The following CLDND1 variants were observed in gnomAD, a reference collection of about 807,000 sequenced individuals.
CLDND1 encodes the protein claudin domain-containing protein 1.
In CLDND1, 13 loss-of-function variants were observed where a neutral mutation model predicts 26.3. That is an observed-to-expected ratio of 0.49 (90% CI 0.32 to 0.78). The LOEUF (loss-of-function observed/expected upper bound fraction) is 0.78. CLDND1 is among the 30% of genes least tolerant of loss of function. The probability of loss-of-function intolerance (pLI) is 0.03; values close to 1 mark genes in which losing one functional copy is unlikely to be tolerated. For missense variants in CLDND1, 289 were observed against 312.8 expected, an observed-to-expected ratio of 0.92 and a Z score of 0.57; for synonymous variants, 107 against 107.0, an observed-to-expected ratio of 1.00 and a Z score of 0.00.
Position 98,517,194 on chromosome 3 carries a change from T to G in CLDND1, c.404-5A>C. 2 of 1,606,108 alleles carry G rather than the reference T, an allele frequency of 1.2e-6. No individual in the cohort carries two copies. The highest frequency in any genetic ancestry group is 1.7e-6 in the Non-Finnish European group (2 of 1,178,080). On this transcript the variant is annotated splice_region_variant and splice_polypyrimidine_tract_variant and intron_variant, in intron 3 of 4. Transcript: ENST00000341181. Reference sequence around the variant, plus strand: ...GGAACTGGCAACGCCAAAGATCTGATTTTTAAAAAGAGAGAAAAGAAATGT... The same window carrying G: ...GGAACTGGCAACGCCAAAGATCTGAGTTTTAAAAAGAGAGAAAAGAAATGT...
rs1262840388 is a variant in CLDND1, at chr3:98,517,086, G to A, written c.507C>T (p.Pro169=). The A allele has an allele frequency of 6.2e-7, 1 of 1,614,118 alleles. No homozygotes were observed. Among genetic ancestry groups the A allele is most frequent in the Non-Finnish European group, 8.5e-7 (1 of 1,180,008 alleles). The part of the protein sequence containing the change: ...LCACICRSLY[P]TIATGILHLL... ...GATGGAGAATGCCCGTGGCAATGGT[G>A]GGATATAAGCTTCGGCAAATGCAAG... The change falls in exon 4 of 5, where the codon CCC becomes CCT. Residue 169 remains proline, a synonymous_variant. Coordinates refer to ENST00000341181, the MANE Select transcript of CLDND1 (RefSeq NM_001040181.2).
At chr3:98,517,244 C>T in intron 3 of CLDND1, 55 bp from the exon 4 acceptor site, 1 of 1,575,526 alleles carries the variant, frequency 6.3e-7, no homozygotes. Flanking sequence ...ACCATTTTCC[C>T]CGCAATGGCA....
Position 98,516,466 on chromosome 3 carries a change from G to T in CLDND1, c.*193C>A. On this transcript the variant is annotated 3_prime_UTR_variant, in exon 5 of 5. Transcript: ENST00000341181. Reference sequence around the variant, plus strand: ...ATTAGTTTATTTGAAAGATGGCATCGCTTAAAGTAAACCACATAAATTTTA... The same window carrying T: ...ATTAGTTTATTTGAAAGATGGCATCTCTTAAAGTAAACCACATAAATTTTA... 1 of 1,366,208 alleles carries T rather than the reference G, an allele frequency of 7.3e-7. No individual in the cohort carries two copies. The highest frequency in any genetic ancestry group is 9.4e-7 in the Non-Finnish European group (1 of 1,064,238). The allele number at this position is 1,366,208 out of a possible 1,614,324, so 84.6% of individuals were successfully genotyped here.
At chr3:98,518,857 A>G (rs778176834) in intron 3 of CLDND1, 28 bp downstream of exon 3, 14 of 1,270,624 alleles carry the variant, frequency 1.1e-5, no homozygotes, top group Middle Eastern at 1.8e-4. Flanking sequence ...TGTTCCCCCA[A>G]CTGTCCTGGT....
chr3:98,519,084 AG>A, intron 2 of CLDND1, 89 bp from the exon 3 acceptor site: 2 of 798,112 alleles, frequency 2.5e-6, no homozygotes, highest in South Asian at 3.4e-5. Context: ...AAAACAGTAA[AG>A]GATGTTTCCA....
At chr3:98,517,948 T>A (rs1706220917) in intron 3 of CLDND1, among the ~76,000 whole-genome samples, 1 of 152,228 alleles carries the variant, frequency 6.6e-6, no homozygotes, top group South Asian at 2.1e-4. Flanking sequence ...AAATTAATGG[T>A]AATTATAAAT....
At position 98,521,822 on chromosome 3, in the gene CLDND1, T is replaced by C; in HGVS notation, c.-18-380A>G. 2 of 814,446 alleles carry C rather than the reference T, an allele frequency of 2.5e-6. 1 individual carries two copies. The highest frequency in any genetic ancestry group is 3.1e-5 in the South Asian group (2 of 63,520). 50.5% of individuals were successfully genotyped at this position (814,446 alleles called of 1,614,324 possible). On this transcript the variant is annotated intron_variant, in intron 1 of 4. Coordinates refer to ENST00000341181, the MANE Select transcript of CLDND1 (RefSeq NM_001040181.2). ...TTACAGACTGAATTTTTGCACGAGC[T>C]GCAGAGGATTAAGTGTTCTGGGTTT...
At chr3:98,520,038 ATAAT>A (rs1285349158) in intron 2 of CLDND1, among the ~76,000 whole-genome samples, 1 of 152,150 alleles carries the variant, frequency 6.6e-6, no homozygotes, top group Admixed American at 6.5e-5. Context: ...AACATACTGA[ATAAT>A]TATTTATTCT....
chr3:98,520,235 T>C (rs1255704481), intron 2 of CLDND1, among the ~76,000 whole-genome samples: 6 of 152,236 alleles, frequency 3.9e-5, no homozygotes, highest in African/African-American at 1.4e-4. Flanking sequence ...CCAACTCCAA[T>C]TTCAATATCA....
chr3:98,517,048 C>T lies in CLDND1; in HGVS notation c.541+4G>A, dbSNP rs923846560. 2.5e-6 allele frequency: 4 copies of T among 1,613,608 alleles called. No homozygotes were observed. Among genetic ancestry groups the T allele is most frequent in the Non-Finnish European group, 3.4e-6 (4 of 1,179,898 alleles). On this transcript the variant is annotated splice_donor_region_variant and intron_variant, in intron 4 of 4. Transcript: ENST00000341181. ...TAAAAGGTAAGTATGATGACAAAAC[C>T]TACCTGCAAGGAGATGGAGAATGCC...
chr3:98,520,936 C>G (rs761608908), intron 2 of CLDND1, 197 bp downstream of exon 2: 11 of 476,854 alleles, frequency 2.3e-5, no homozygotes, highest in Non-Finnish European at 4.0e-5. Flanking sequence ...AGTTCCTCAT[C>G]CAACCAATAT....
At position 98,517,122 on chromosome 3, in the gene CLDND1, G is replaced by T; in HGVS notation, c.471C>A (p.Ile157=). Residue 157 remains isoleucine (I), a synonymous_variant, in exon 4 of 5, where the codon ATC becomes ATA. Transcript: ENST00000341181. ...SLGLMCFGAL[I]GLCACICRSL... ...TTCGGCAAATGCAAGCACAAAGTCC[G>T]ATCAAAGCCCCAAAGCACATCAAAC... 1.2e-6 allele frequency: 2 copies of T among 1,614,128 alleles called. No individual in the cohort carries two copies. The highest frequency in any genetic ancestry group is 1.6e-4 in the Middle Eastern group (1 of 6,062).
chr3:98,517,614 G>A (rs1706203253), intron 3 of CLDND1, among the ~76,000 whole-genome samples: 1 of 152,096 alleles, frequency 6.6e-6, no homozygotes, highest in Non-Finnish European at 1.5e-5. Context: ...CATTTATATT[G>A]TATTGGGTAT....
At chr3:98,522,667 C>G (rs1706476298) in intron 1 of CLDND1, 182 bp downstream of exon 1, 2 of 1,429,942 alleles carry the variant, frequency 1.4e-6, no homozygotes, top group Non-Finnish European at 9.1e-7. Context: ...TGCTCGGCCC[C>G]GGGCCAGGGT....
At position 98,521,147 on chromosome 3, in the gene CLDND1, G is replaced by A. The variant is rs1410930969; in HGVS notation, c.278C>T (p.Pro93Leu). 6.2e-7 allele frequency: 1 copy of A among 1,611,746 alleles called. No individual in the cohort carries two copies. The highest frequency in any genetic ancestry group is 8.5e-7 in the Non-Finnish European group (1 of 1,177,982). ...AAGAGAAATACCTGTCCTTTCTGGT[G>A]GGCTATACCAATGCATGTTTTTGGG... is the stretch of plus-strand genomic sequence containing the variant. ...TIPKNMHWYS[P>L]PERTESFDVV... is the part of the protein sequence containing the mutation. Residue 93 changes from proline (P) to leucine (L), a missense_variant, in exon 2 of 5, where the codon CCA (proline) becomes CTA (leucine). Transcript: ENST00000341181.
Position 98,516,509 on chromosome 3 carries a change from T to C in CLDND1, c.*150A>G. The C allele has an allele frequency of 7.1e-7, 1 of 1,417,988 alleles. No individual in the cohort carries two copies. Among genetic ancestry groups the C allele is most frequent in the Non-Finnish European group, 9.2e-7 (1 of 1,086,622 alleles). The allele number at this position is 1,417,988 out of a possible 1,614,324, so 87.8% of individuals were successfully genotyped here. On this transcript the variant is annotated 3_prime_UTR_variant, in exon 5 of 5. Coordinates refer to ENST00000341181, the MANE Select transcript of CLDND1 (RefSeq NM_001040181.2). ...AAATTTTAGTGGTATTAAGTGTGTA[T>C]TTAGTGGTGAATGTGTATAAATAAA...
chr3:98,522,902 T>C lies in CLDND1; in HGVS notation c.-72A>G. The C allele has an allele frequency of 1.9e-6, 3 of 1,611,998 alleles. No homozygotes were observed. The highest frequency in any genetic ancestry group is 1.1e-5 in the South Asian group (1 of 90,946). ...CCCTCTAGCTCAGACCACAGCACCCTACTCTCCCCGCGCCTCCTCTGACGC... is the reference window on the plus strand; with the variant it reads ...CCCTCTAGCTCAGACCACAGCACCCCACTCTCCCCGCGCCTCCTCTGACGC... On this transcript the variant is annotated 5_prime_UTR_variant, in exon 1 of 5. Coordinates refer to ENST00000341181, the MANE Select transcript of CLDND1 (RefSeq NM_001040181.2).
intron 2 of CLDND1, among the ~76,000 whole-genome samples, chr3:98,519,568 G>T (rs1039623455): frequency 6.6e-6 from 1 of 152,146 alleles, no homozygotes; most frequent in African/African-American, 2.4e-5. Flanking sequence ...ACCTTTGTCT[G>T]CTGCCTCTGT....
chr3:98,521,744 T>C, intron 1 of CLDND1: 2 of 1,542,660 alleles, frequency 1.3e-6, no homozygotes, highest in South Asian at 1.1e-5. Flanking sequence ...ACATTACAGA[T>C]ACAAACAATA....
Sources: allele counts gnomAD v4.1 joint callset (sites outside exome capture counted in the v4.1 genomes callset), GRCh38; gene constraint gnomAD v4.1.1; transcripts MANE v1.5; gene names NCBI Gene and HGNC (gene_info 2026-07-23, HGNC 2026-07-21).